MSRB3: variants seen among roughly 807,000 people sequenced by gnomAD.
MSRB3 encodes methionine sulfoxide reductase B3.
MSRB3 carries 13 observed loss-of-function variants against 21.0 expected under a neutral mutation model. That is an observed-to-expected ratio of 0.62 (90% CI 0.40 to 0.98). MSRB3 has a LOEUF of 0.98. Among genes scored for constraint, MSRB3 ranks in the 50% least tolerant of loss-of-function variants. The pLI, the probability that MSRB3 is intolerant of heterozygous loss-of-function variation, is 0.00. For missense variants in MSRB3, 199 were observed against 230.3 expected (o/e 0.86, Z 0.88); for synonymous variants, 87 against 88.6 (o/e 0.98, Z 0.10).
intron 5 of MSRB3, among the ~76,000 whole-genome samples, chr12:65,423,356 C>G (rs1367460950): frequency 1.3e-5 from 2 of 152,050 alleles, no homozygotes; most frequent in East Asian, 3.9e-4. Flanking sequence ...ATCTTTTTGC[C>G]TAATTGCTCT....
chr12:65,312,732 C>T (rs922184599), intron 2 of MSRB3, among the ~76,000 whole-genome samples: 3 of 152,030 alleles, frequency 2.0e-5, no homozygotes, highest in African/African-American at 7.2e-5. Context: ...CATTGATTAT[C>T]ATCTGTATAA....
At chr12:65,316,587 G>A (rs990598742) in intron 2 of MSRB3, among the ~76,000 whole-genome samples, 1 of 152,146 alleles carries the variant, frequency 6.6e-6, no homozygotes, top group Non-Finnish European at 1.5e-5. Context: ...ATGAATGCTT[G>A]TGAATAAGTA....
At chr12:65,392,175 A>G (rs546322754) in intron 5 of MSRB3, among the ~76,000 whole-genome samples, 8 of 152,122 alleles carry the variant, frequency 5.3e-5, no homozygotes, top group Admixed American at 2.0e-4. Flanking sequence ...CAATTAACTC[A>G]AAGTCTCTGC....
At chr12:65,343,774 T>C (rs1272769354) in intron 4 of MSRB3, among the ~76,000 whole-genome samples, 1 of 152,114 alleles carries the variant, frequency 6.6e-6, no homozygotes, top group Non-Finnish European at 1.5e-5. Context: ...TATTATGTTA[T>C]AATGCTTCCC....
At chr12:65,306,289 A>G (rs1448457868) in intron 1 of MSRB3, among the ~76,000 whole-genome samples, 1 of 152,212 alleles carries the variant, frequency 6.6e-6, no homozygotes, top group Non-Finnish European at 1.5e-5. Flanking sequence ...ATAAAAATAC[A>G]TGTTAGAGCC....
intron 5 of MSRB3, among the ~76,000 whole-genome samples, chr12:65,380,832 T>A (rs1878900936): frequency 6.6e-6 from 1 of 152,166 alleles, no homozygotes; most frequent in Non-Finnish European, 1.5e-5. Context: ...GATTTGATCC[T>A]AAGTAGTCCG....
intron 2 of MSRB3, among the ~76,000 whole-genome samples, chr12:65,319,955 G>T (rs988503265): frequency 6.6e-6 from 1 of 152,142 alleles, no homozygotes; most frequent in Admixed American, 6.6e-5. Flanking sequence ...CCTTCAGTAT[G>T]AGAACCACAC....
chr12:65,386,420 C>CT (rs1372508248), intron 5 of MSRB3, among the ~76,000 whole-genome samples: 1 of 151,750 alleles, frequency 6.6e-6, no homozygotes, highest in Non-Finnish European at 1.5e-5. Context: ...AGGGTGGACT[C>CT]TTTTTTCTTT....
At chr12:65,392,189 T>C (rs1296174430) in intron 5 of MSRB3, among the ~76,000 whole-genome samples, 7 of 152,152 alleles carry the variant, frequency 4.6e-5, no homozygotes, top group Non-Finnish European at 8.8e-5. Context: ...TCTCTGCAGT[T>C]GGAGCCCAGA....
At chr12:65,355,936 T>C (rs1877356289) in intron 4 of MSRB3, among the ~76,000 whole-genome samples, 1 of 152,038 alleles carries the variant, frequency 6.6e-6, no homozygotes, top group African/African-American at 2.4e-5. Flanking sequence ...ATGGATACTT[T>C]AAGCAAGACC....
At chr12:65,437,152 G>A (rs1025912780) in intron 5 of MSRB3, among the ~76,000 whole-genome samples, 2 of 151,834 alleles carry the variant, frequency 1.3e-5, no homozygotes, top group African/African-American at 4.8e-5. Flanking sequence ...CTTGAGTAAA[G>A]TTTTTGCCCC....
At chr12:65,418,546 T>C (rs578040446) in intron 5 of MSRB3, among the ~76,000 whole-genome samples, 1 of 152,134 alleles carries the variant, frequency 6.6e-6, no homozygotes, top group Non-Finnish European at 1.5e-5. Flanking sequence ...TGGAGTTATA[T>C]CCAAAAAAAT....
intron 5 of MSRB3, among the ~76,000 whole-genome samples, chr12:65,428,951 G>A (rs529180394): frequency 3.2e-4 from 49 of 152,172 alleles, no homozygotes; most frequent in African/African-American, 1.1e-3. Context: ...TTGTAAAACA[G>A]CTCTCTTATG....
chr12:65,296,678 C>A (rs1396292548), intron 1 of MSRB3, among the ~76,000 whole-genome samples: 1 of 152,124 alleles, frequency 6.6e-6, no homozygotes, highest in East Asian at 1.9e-4. Context: ...ACACTACGCA[C>A]AAAGATGAAG....
At chr12:65,326,198 C>T (rs912509565) in intron 2 of MSRB3, among the ~76,000 whole-genome samples, 3 of 152,144 alleles carry the variant, frequency 2.0e-5, no homozygotes, top group Admixed American at 6.5e-5. Flanking sequence ...GCCCATTTAA[C>T]ATGGTAAGAT....
At chr12:65,397,365 T>C (rs989922195) in intron 5 of MSRB3, among the ~76,000 whole-genome samples, 6 of 152,214 alleles carry the variant, frequency 3.9e-5, no homozygotes, top group East Asian at 1.9e-4. Flanking sequence ...ACATTTAAAG[T>C]GATTATTGAT....
intron 5 of MSRB3, among the ~76,000 whole-genome samples, chr12:65,426,362 T>C (rs962367202): frequency 6.6e-6 from 1 of 152,108 alleles, no homozygotes; most frequent in African/African-American, 2.4e-5. Context: ...CCTGCACTTA[T>C]ATCACCCCAC....
intron 5 of MSRB3, among the ~76,000 whole-genome samples, chr12:65,392,545 A>G (rs1165064544): frequency 6.6e-6 from 1 of 152,146 alleles, no homozygotes; most frequent in African/African-American, 2.4e-5. Flanking sequence ...CTGATTCCCA[A>G]GTAATACCTT....
intron 2 of MSRB3, among the ~76,000 whole-genome samples, chr12:65,312,759 C>T (rs533590740): frequency 4.1e-4 from 62 of 152,182 alleles, no homozygotes; most frequent in African/African-American, 1.5e-3. Context: ...CTCCATGAAT[C>T]AGCGGCTTAT....
Sources: gnomAD v4.1 joint callset for allele counts (sites outside exome capture counted in the v4.1 genomes callset) on GRCh38, gnomAD v4.1.1 for gene constraint, MANE v1.5 for transcripts, NCBI Gene and HGNC (gene_info 2026-07-23, HGNC 2026-07-21) for gene names.